PTPRZ1: variants seen among roughly 807,000 people sequenced by gnomAD.
The protein encoded by PTPRZ1 is receptor-type tyrosine-protein phosphatase zeta.
Under a neutral mutation model 214.1 loss-of-function variants are expected in PTPRZ1, and 82 were observed. The observed-to-expected ratio is 0.38, with a 90% confidence interval of 0.32 to 0.46. The LOEUF (loss-of-function observed/expected upper bound fraction) is 0.46, where lower values mean the gene tolerates loss of function less well. Ranked by LOEUF, PTPRZ1 falls within the 20% of genes least tolerant of loss-of-function variation. PTPRZ1 has a pLI of 1.00. For missense variants in PTPRZ1, 2,603 were observed against 2,748.7 expected, an observed-to-expected ratio of 0.95 and a Z score of 1.19; for synonymous variants, 945 against 987.9, an observed-to-expected ratio of 0.96 and a Z score of 0.81.
At chr7:121,977,979 C>A (rs1049971076) in intron 6 of PTPRZ1, among the ~76,000 whole-genome samples, 1 of 152,170 alleles carries the variant, frequency 6.6e-6, no homozygotes, top group African/African-American at 2.4e-5. Context: ...GTTGTTAACC[C>A]TGACTTGTGC....
intron 18 of PTPRZ1, among the ~76,000 whole-genome samples, chr7:122,037,847 A>G (rs190127474): frequency 5.3e-5 from 8 of 152,318 alleles, no homozygotes; most frequent in Non-Finnish European, 1.0e-4. Context: ...TCCATTTTGC[A>G]TAGATGAAAG....
In PTPRZ1 at chr7:122,012,908, A is replaced by G. The variant is rs552232263; in HGVS notation, c.3862A>G (p.Ser1288Gly). ...SSHQVVPSLYSNDELFQTANL... is the reference protein window; with the variant it reads ...SSHQVVPSLYGNDELFQTANL... ...CCACCAAGTGGTACCTTCTTTGTAC[A>G]GTAATGATGAGTTGTTCCAAACGGC... is the stretch of plus-strand genomic sequence containing the variant. The change falls in exon 12 of 30, where the codon AGT (serine) becomes GGT (glycine). Residue 1288 changes from serine to glycine, a missense_variant. By Grantham distance (56) the Ser-to-Gly change is moderately conservative (BLOSUM62 0). This residue lies in a region of PTPRZ1 where 1,913 missense variants were observed against 1,914.3 expected (regional missense o/e 1.00). Coordinates refer to ENST00000393386, the MANE Select transcript of PTPRZ1 (RefSeq NM_002851.3). The G allele has an allele frequency of 7.6e-5, 122 of 1,614,204 alleles. 2 individuals carry two copies. The South Asian group carries it at 1.2e-3, about 15-fold the overall frequency.
At chr7:122,042,242 G>A (rs1799753532) in intron 21 of PTPRZ1, among the ~76,000 whole-genome samples, 1 of 152,060 alleles carries the variant, frequency 6.6e-6, no homozygotes, top group Non-Finnish European at 1.5e-5. Flanking sequence ...TGAAGTTAAA[G>A]CTTTCACTTT....
At chr7:122,059,549 G>A (rs1792496316) in intron 28 of PTPRZ1, 1 of 538,622 alleles carries the variant, frequency 1.9e-6, no homozygotes, top group Non-Finnish European at 3.2e-6. Flanking sequence ...CTTCTGTAAA[G>A]TATTCCACTA....
intron 13 of PTPRZ1, 43 bp from the exon 14 acceptor site, chr7:122,028,509 T>G: frequency 7.1e-7 from 1 of 1,401,526 alleles, no homozygotes; most frequent in Non-Finnish European, 1.0e-6. Context: ...TGTCTTATTT[T>G]CCATAGCAAC....
chr7:121,951,949 G>C (rs2116457851), intron 2 of PTPRZ1, among the ~76,000 whole-genome samples: 1 of 69,452 alleles, frequency 1.4e-5, no homozygotes, highest in African/African-American at 3.7e-5. Flanking sequence ...CCATGCGAGT[G>C]TATTTATTTA....
At chr7:122,009,556 T>C (rs1375210959) in intron 11 of PTPRZ1, among the ~76,000 whole-genome samples, 2 of 151,666 alleles carry the variant, frequency 1.3e-5, no homozygotes, top group African/African-American at 4.8e-5. Flanking sequence ...CGTATATGTA[T>C]ATATATACAT....
chr7:121,932,368 C>T (rs1442052961), intron 2 of PTPRZ1, among the ~76,000 whole-genome samples: 3 of 152,132 alleles, frequency 2.0e-5, no homozygotes, highest in Admixed American at 6.5e-5. Context: ...AAATGAACGA[C>T]TATGCTAACT....
chr7:122,008,467 G>T (rs542964510), intron 11 of PTPRZ1, among the ~76,000 whole-genome samples: 3 of 152,066 alleles, frequency 2.0e-5, no homozygotes, highest in Admixed American at 2.0e-4. Flanking sequence ...TCATGATAGG[G>T]ACTAGATCTA....
intron 1 of PTPRZ1, among the ~76,000 whole-genome samples, chr7:121,895,219 T>G (rs1794752571): frequency 6.6e-6 from 1 of 151,708 alleles, no homozygotes; most frequent in South Asian, 2.1e-4. Context: ...GCTGTGACCC[T>G]AATGAGAAAA....
intron 6 of PTPRZ1, among the ~76,000 whole-genome samples, chr7:121,978,310 C>T (rs751595739): frequency 4.6e-5 from 7 of 152,302 alleles, no homozygotes; most frequent in South Asian, 2.1e-4. Context: ...TACCCCCTCT[C>T]TCTCTGTCTC....
Position 121,953,624 on chromosome 7 carries a change from T to C in PTPRZ1, c.125-14327T>C, listed in dbSNP as rs901749991. On this transcript the variant is annotated intron_variant, in intron 2 of 29. Coordinates refer to ENST00000393386, the MANE Select transcript of PTPRZ1 (RefSeq NM_002851.3). ...AAATTTTTGGCATTATTTCAGTCCTTGGAGACATCTGAGAGATTCCGGGAT... is the reference window on the plus strand; with the variant it reads ...AAATTTTTGGCATTATTTCAGTCCTCGGAGACATCTGAGAGATTCCGGGAT... 2.6e-5 allele frequency among the ~76,000 whole-genome samples: 4 copies of C among 152,240 alleles called. No homozygotes were observed. In the South Asian group the frequency reaches 8.3e-4, roughly 31 times the overall value.
chr7:121,890,721 G>A (rs1794569221), intron 1 of PTPRZ1, among the ~76,000 whole-genome samples: 1 of 151,998 alleles, frequency 6.6e-6, no homozygotes, highest in African/African-American at 2.4e-5. Context: ...CCAGGCTGGA[G>A]TGCAGTGGTA....
intron 2 of PTPRZ1, among the ~76,000 whole-genome samples, chr7:121,932,397 A>G (rs926379944): frequency 1.6e-4 from 25 of 152,222 alleles, no homozygotes; most frequent in African/African-American, 5.5e-4. Context: ...TAACTGTATG[A>G]AAATAATGAA....
intron 8 of PTPRZ1, among the ~76,000 whole-genome samples, chr7:121,988,179 A>C (rs1050722583): frequency 2.0e-5 from 3 of 152,234 alleles, no homozygotes; most frequent in Non-Finnish European, 2.9e-5. Context: ...TGAAGTAAAA[A>C]TAAATAAATA....
chr7:122,002,686 G>T (rs985412226), intron 10 of PTPRZ1, among the ~76,000 whole-genome samples: 1 of 152,082 alleles, frequency 6.6e-6, no homozygotes, highest in African/African-American at 2.4e-5. Flanking sequence ...AATTATATTT[G>T]CCCATTAAAA....
chr7:122,051,625 C>A, intron 24 of PTPRZ1, 104 bp downstream of exon 24: 1 of 985,820 alleles, frequency 1.0e-6, no homozygotes. Flanking sequence ...GGAGCACATT[C>A]AAATATTTTT....
intron 2 of PTPRZ1, among the ~76,000 whole-genome samples, chr7:121,943,482 C>T (rs986781320): frequency 7.9e-5 from 12 of 152,140 alleles, no homozygotes; most frequent in African/African-American, 2.2e-4. Flanking sequence ...ACTACAGGTG[C>T]CCGCCACCAT....
intron 1 of PTPRZ1, among the ~76,000 whole-genome samples, chr7:121,890,241 C>A (rs1354914655): frequency 1.3e-5 from 2 of 152,150 alleles, no homozygotes; most frequent in African/African-American, 2.4e-5. Flanking sequence ...CCTGATCTTC[C>A]TCCCATCCCA....
Sources: allele counts gnomAD v4.1 joint callset (sites outside exome capture counted in the v4.1 genomes callset), GRCh38; gene constraint gnomAD v4.1.1; regional missense constraint gnomAD v4.1.1; transcripts MANE v1.5; gene names NCBI Gene and HGNC (gene_info 2026-07-23, HGNC 2026-07-21).